ARMC12: variants seen among roughly 807,000 people sequenced by gnomAD.
ARMC12 encodes armadillo repeat-containing protein 12.
Under a neutral mutation model 37.4 loss-of-function variants are expected in ARMC12, and 25 were observed. That is an observed-to-expected ratio of 0.67 (90% confidence interval 0.49 to 0.93). ARMC12 has a LOEUF of 0.93. Ranked by LOEUF, ARMC12 falls within the 40% of genes least tolerant of loss-of-function variation. The pLI, the probability that ARMC12 is intolerant of heterozygous loss-of-function variation, is 0.00. For missense variants in ARMC12, 384 were observed against 426.6 expected, an observed-to-expected ratio of 0.90 and a Z score of 0.88; for synonymous variants, 167 against 176.1, an observed-to-expected ratio of 0.95 and a Z score of 0.41.
At position 35,748,619 on chromosome 6, in the gene ARMC12, C is replaced by T; in HGVS notation, c.772C>T (p.Leu258=). 2 of 1,607,586 alleles carry T rather than the reference C, an allele frequency of 1.2e-6. No individual in the cohort carries two copies. Among genetic ancestry groups the T allele is most frequent in the Non-Finnish European group, 8.5e-7 (1 of 1,176,128 alleles). ...TGAGGTACTGGTGTTTGCTGAGCGG[C>T]TGAGTGAGGGCCGGAACGCACCCCA... ...LYEVLVFAER[L]SEGRNAPHYH... The change falls in exon 6 of 6, where the codon CTG becomes TTG. Residue 258 remains leucine (L), a synonymous_variant. Transcript: ENST00000373866.
intron 2 of ARMC12, 61 bp from the exon 3 acceptor site, chr6:35,738,323 G>T (rs1010856706): frequency 6.3e-7 from 1 of 1,575,772 alleles, no homozygotes; most frequent in Non-Finnish European, 8.6e-7. Flanking sequence ...GGTGACATGG[G>T]GGGCAGTGGG....
In ARMC12 at chr6:35,738,378, C is replaced by T. The variant is rs1767059451; in HGVS notation, c.310-6C>T. The T allele has an allele frequency of 1.9e-6, 3 of 1,612,028 alleles. No homozygotes were observed. The East Asian group carries it at 6.7e-5, about 36-fold the overall frequency. ...CTGCCTCTTCCATCTCTCCCCAATA[C>T]TCCAGGCCTCTGCTTGTACTACGGA... is the stretch of plus-strand genomic sequence containing the variant. On this transcript the variant is annotated splice_polypyrimidine_tract_variant and splice_region_variant and intron_variant, in intron 2 of 5. Coordinates refer to ENST00000373866, the MANE Select transcript of ARMC12 (RefSeq NM_001286574.2).
intron 3 of ARMC12, among the ~76,000 whole-genome samples, chr6:35,739,494 T>C (rs1767100428): frequency 1.4e-5 from 2 of 147,890 alleles, no homozygotes; most frequent in African/African-American, 5.0e-5. Flanking sequence ...CAAGGAGTTT[T>C]GAGGAATTCC....
At chr6:35,743,084 A>C (rs1263998849) in intron 3 of ARMC12, among the ~76,000 whole-genome samples, 1 of 151,942 alleles carries the variant, frequency 6.6e-6, no homozygotes, top group Non-Finnish European at 1.5e-5. Context: ...GGGGTGGGGG[A>C]AGGGAAGGGC....
At chr6:35,746,011 A>G (rs2151046098) in intron 3 of ARMC12, among the ~76,000 whole-genome samples, 1 of 152,352 alleles carries the variant, frequency 6.6e-6, no homozygotes, top group Non-Finnish European at 1.5e-5. Flanking sequence ...TCACCACTGC[A>G]TTCCAGCCTG....
intron 3 of ARMC12, among the ~76,000 whole-genome samples, chr6:35,745,189 A>T (rs1405725684): frequency 6.6e-6 from 1 of 152,248 alleles, no homozygotes; most frequent in Non-Finnish European, 1.5e-5. Flanking sequence ...TAGCAGTTTT[A>T]TGTGGAATAG....
chr6:35,746,768 G>T (rs1399205456), intron 3 of ARMC12, among the ~76,000 whole-genome samples: 1 of 152,168 alleles, frequency 6.6e-6, no homozygotes, highest in Non-Finnish European at 1.5e-5. Context: ...GAAGGAAAGT[G>T]TAACCCATAG....
At chr6:35,744,744 G>T (rs1767286141) in intron 3 of ARMC12, among the ~76,000 whole-genome samples, 1 of 152,156 alleles carries the variant, frequency 6.6e-6, no homozygotes, top group South Asian at 2.1e-4. Context: ...AACAGAGTGA[G>T]ACTCTGTCTA....
chr6:35,742,608 C>T (rs1286784400), intron 3 of ARMC12, among the ~76,000 whole-genome samples: 2 of 151,798 alleles, frequency 1.3e-5, no homozygotes, highest in Admixed American at 1.3e-4. Context: ...TCCCACTCTT[C>T]CTTTTTTTCC....
upstream of ARMC12, among the ~76,000 whole-genome samples, chr6:35,733,311 G>A (rs946469182): frequency 1.3e-5 from 2 of 152,198 alleles, no homozygotes; most frequent in Non-Finnish European, 2.9e-5. Context: ...GCCTGCCCAC[G>A]CCCCACATGT....
In ARMC12 at chr6:35,748,528, C is replaced by T. The variant is rs1767407502; in HGVS notation, c.691-10C>T. On this transcript the variant is annotated splice_polypyrimidine_tract_variant and intron_variant, in intron 5 of 5. Transcript: ENST00000373866. ...AGTTTATTCCCATTCTTTCTCTATT[C>T]CCATCACAGGTTCACTCCAACTTCC... is the stretch of plus-strand genomic sequence containing the variant. 6.8e-7 allele frequency: 1 copy of T among 1,469,722 alleles called. No homozygotes were observed. Among genetic ancestry groups the T allele is most frequent in the Non-Finnish European group, 9.0e-7 (1 of 1,107,752 alleles). The allele number at this position is 1,469,722 out of a possible 1,614,324, so 91.0% of individuals were successfully genotyped here. A position where few individuals can be genotyped will look rare whatever the true frequency, so the allele number is the denominator to read the frequency against.
In ARMC12 at chr6:35,738,445, A is replaced by G. The variant is rs772749846; in HGVS notation, c.371A>G (p.Asn124Ser). Residue 124 changes from asparagine (N) to serine (S), a missense_variant, in exon 3 of 6, where the codon AAC becomes AGC. Coordinates refer to ENST00000373866, the MANE Select transcript of ARMC12 (RefSeq NM_001286574.2). ...GGCTACATGCTGGATGACAAGGACA[A>G]CAGTGTCAAAACCCAAGCTCTGAAT... ...LLGYMLDDKD[N>S]SVKTQALNTL... The G allele has an allele frequency of 4.3e-6, 7 of 1,613,986 alleles. No homozygotes were observed. Among genetic ancestry groups the G allele is most frequent in the Non-Finnish European group, 5.1e-6 (6 of 1,179,988 alleles).
At chr6:35,746,995 G>A (rs569487083) in intron 3 of ARMC12, among the ~76,000 whole-genome samples, 3 of 148,360 alleles carry the variant, frequency 2.0e-5, no homozygotes, top group South Asian at 2.1e-4. Context: ...GGATGATACC[G>A]GTATGGGAGT....
Position 35,738,147 on chromosome 6 carries a change from G to A in ARMC12, c.284G>A (p.Arg95His), listed in dbSNP as rs1581920317. The change falls in exon 2 of 6, where the codon CGC (arginine) becomes CAC (histidine). Residue 95 changes from arginine to histidine, a missense_variant. Transcript: ENST00000373866. ...AKSMILHSIT[R>H]CVYLLEAEAS... is the part of the protein sequence containing the mutation. ...AGCATGATCCTGCACAGTATCACTC[G>A]CTGTGTGTACTTGCTGGAGGCTGAG... 7 of 1,613,340 alleles carry A rather than the reference G, an allele frequency of 4.3e-6. No individual in the cohort carries two copies. Among genetic ancestry groups the A allele is most frequent in the East Asian group, 2.2e-5 (1 of 44,876 alleles).
chr6:35,740,029 G>T (rs1666113668), intron 3 of ARMC12, among the ~76,000 whole-genome samples: 3 of 152,174 alleles, frequency 2.0e-5, no homozygotes, highest in African/African-American at 7.2e-5. Context: ...ACCAAAAAGG[G>T]TTGGTTTGCA....
upstream of ARMC12, among the ~76,000 whole-genome samples, chr6:35,736,296 G>A (rs946297990): frequency 6.6e-6 from 1 of 152,202 alleles, no homozygotes; most frequent in Non-Finnish European, 1.5e-5. Context: ...CTGATGCGGG[G>A]AGGGAACCCT....
At chr6:35,742,496 CA>C (rs760070963) in intron 3 of ARMC12, among the ~76,000 whole-genome samples, 1,445 of 43,332 alleles carry the variant, frequency 0.033, 7 homozygotes, top group African/African-American at 0.11. Flanking sequence ...GACTCTGTCT[CA>C]AAAAAAAAAA....
chr6:35,747,684 A>G lies in ARMC12; in HGVS notation c.690+37A>G, dbSNP rs1193582994. 3.1e-6 allele frequency: 5 copies of G among 1,593,942 alleles called. No individual in the cohort carries two copies. In the East Asian group the frequency reaches 6.7e-5, roughly 21 times the overall value. The stretch of plus-strand genomic sequence containing the variant: ...ATTGAAGAGGGGCTGATGAATGCCA[A>G]CTCAGGTATAGGGGGAGGGAAGAAT... On this transcript the variant is annotated intron_variant, in intron 5 of 5. Transcript: ENST00000373866.
chr6:35,747,552 T>C, intron 4 of ARMC12, 24 bp from the exon 5 acceptor site: 1 of 1,613,934 alleles, frequency 6.2e-7, no homozygotes. Flanking sequence ...TGCCTTCTCA[T>C]GCTTTACTCT....
Sources: gnomAD v4.1 joint callset for allele counts (sites outside exome capture counted in the v4.1 genomes callset) on GRCh38, gnomAD v4.1.1 for gene constraint, MANE v1.5 for transcripts, NCBI Gene and HGNC (gene_info 2026-07-23, HGNC 2026-07-21) for gene names.